CLOCK: variants seen among roughly 807,000 people sequenced by gnomAD.
The protein encoded by CLOCK is clock circadian regulator, also known as circadian locomoter output cycles protein kaput.
A neutral mutation model predicts 118.4 loss-of-function variants in CLOCK; 43 were observed. That is an observed-to-expected ratio of 0.36 (90% CI 0.28 to 0.47). CLOCK has a LOEUF of 0.47. Among genes scored for constraint, CLOCK ranks in the 20% least tolerant of loss-of-function variants. The pLI, the probability that CLOCK is intolerant of heterozygous loss-of-function variation, is 1.00. For synonymous variants in CLOCK, 326 were observed against 339.2 expected, an observed-to-expected ratio of 0.96 and a Z score of 0.43; for missense variants, 846 against 999.9, an observed-to-expected ratio of 0.85 and a Z score of 2.08.
intron 6 of CLOCK, 149 bp from the exon 7 acceptor site, chr4:55,476,203 T>C (rs755630216): frequency 1.6e-6 from 1 of 644,536 alleles, no homozygotes; most frequent in Non-Finnish European, 2.8e-6. Flanking sequence ...GGTCCAGGTT[T>C]TGGTATGATG....
At chr4:55,474,072 G>C (rs1726324542) in intron 7 of CLOCK, among the ~76,000 whole-genome samples, 1 of 152,200 alleles carries the variant, frequency 6.6e-6, no homozygotes, top group Non-Finnish European at 1.5e-5. Flanking sequence ...TAGTGAGGAA[G>C]GCATGTCGAA....
At position 55,482,796 on chromosome 4, in the gene CLOCK, G is replaced by A. The variant is rs367880709; in HGVS notation, c.-11C>T. The A allele has an allele frequency of 2.5e-6, 4 of 1,604,094 alleles. No homozygotes were observed. Among genetic ancestry groups the A allele is most frequent in the Admixed American group, 1.7e-5 (1 of 59,568 alleles). ...TACGGTAAACAACATAACATACTAC[G>A]TTTTCGTCTTGTAGTAGACATTTGT... is the stretch of plus-strand genomic sequence containing the variant. On this transcript the variant is annotated 5_prime_UTR_variant, in exon 4 of 23. In the 5' UTR this introduces an upstream ATG that the reference lacks. Transcript: ENST00000513440.
intron 4 of CLOCK, among the ~76,000 whole-genome samples, chr4:55,481,754 C>A (rs776348847): frequency 1.3e-5 from 2 of 152,306 alleles, no homozygotes; most frequent in South Asian, 2.1e-4. Context: ...GCATTAACAA[C>A]TTTAATGTCA....
rs1722790382 is a variant in CLOCK at position 55,435,276 on chromosome 4, A to G, written c.*139T>C. The G allele has an allele frequency of 3.0e-6, 3 of 1,016,766 alleles. No individual in the cohort carries two copies. The allele number at this position is 1,016,766 out of a possible 1,614,324, so 63.0% of individuals were successfully genotyped here. On this transcript the variant is annotated 3_prime_UTR_variant, in exon 23 of 23. Transcript: ENST00000513440. ...GCACTAGGCAGCATTTTCTCTGCCA[A>G]CTAATTCCAGGAACTAGAACACTCA...
rs1726722929 is a variant in CLOCK, at chr4:55,478,840, G to A, written c.231C>T (p.Ser77=). 3.7e-6 allele frequency: 6 copies of A among 1,612,742 alleles called. No homozygotes were observed. Among genetic ancestry groups the A allele is most frequent in the African/African-American group, 1.3e-5 (1 of 74,982 alleles). The change falls in exon 6 of 23, where the codon AGC becomes AGT. Residue 77 remains serine (S), a synonymous_variant. Transcript: ENST00000513440. ...KMDKSTVLQK[S]IDFLRKHKEI... ...CTTTATGTTTTCGTAAAAAATCAATGCTTTTCTGCAGAACAGTAGATTTGT... is the reference window on the plus strand; with the variant it reads ...CTTTATGTTTTCGTAAAAAATCAATACTTTTCTGCAGAACAGTAGATTTGT...
intron 1 of CLOCK, among the ~76,000 whole-genome samples, chr4:55,533,790 C>G (rs549207464): frequency 6.6e-6 from 1 of 152,270 alleles, no homozygotes; most frequent in African/African-American, 2.4e-5. Flanking sequence ...GTAATCCCAG[C>G]TACTCGGGAG....
At chr4:55,478,392 C>T (rs1359874851) in intron 6 of CLOCK, among the ~76,000 whole-genome samples, 1 of 152,124 alleles carries the variant, frequency 6.6e-6, no homozygotes. Context: ...TGAAGTCTCC[C>T]TGCCTCTCTG....
At chr4:55,533,953 C>T (rs6554285) in intron 1 of CLOCK, among the ~76,000 whole-genome samples, 114,654 of 152,116 alleles carry the variant, frequency 0.75, 43,535 homozygotes, top group East Asian at 0.9. Flanking sequence ...GGAGAGTGGA[C>T]ACTTGTTTAC....
chr4:55,438,286 A>G lies in CLOCK; in HGVS notation c.2357T>C (p.Leu786Ser). 1.2e-6 allele frequency: 2 copies of G among 1,614,146 alleles called. No individual in the cohort carries two copies. The highest frequency in any genetic ancestry group is 1.7e-6 in the Non-Finnish European group (2 of 1,180,008). Residue 786 changes from leucine to serine, a missense_variant, in exon 22 of 23, where the codon TTA becomes TCA. By Grantham distance (145) the Leu-to-Ser change is moderately radical. This residue lies in a region of CLOCK where 520 missense variants were observed against 558.0 expected (regional missense o/e 0.93). Transcript: ENST00000513440. ...CTTCCCCATGGGGAGAATTACCTGT[A>G]AAAATTGTTGCGGTGGCTGGGTCAG... ...AQLTQPPQQF[L>S]QTSRLLHGNP...
intron 1 of CLOCK, among the ~76,000 whole-genome samples, chr4:55,522,744 A>G (rs896263010): frequency 1.3e-5 from 2 of 152,154 alleles, no homozygotes; most frequent in African/African-American, 2.4e-5. Flanking sequence ...CCTCTCTCAT[A>G]TATATGTATG....
At chr4:55,439,669 T>C (rs1240937262) in intron 21 of CLOCK, among the ~76,000 whole-genome samples, 1 of 152,152 alleles carries the variant, frequency 6.6e-6, no homozygotes, top group African/African-American at 2.4e-5. Context: ...GAATATTACT[T>C]AGCCTTAAAA....
chr4:55,460,899 C>A (rs1285794377), intron 9 of CLOCK, among the ~76,000 whole-genome samples: 3 of 151,704 alleles, frequency 2.0e-5, no homozygotes, highest in African/African-American at 7.3e-5. Flanking sequence ...ATTGAGTTTA[C>A]ACACTTAACA....
At chr4:55,521,569 C>T (rs1416961677) in intron 1 of CLOCK, among the ~76,000 whole-genome samples, 1 of 152,188 alleles carries the variant, frequency 6.6e-6, no homozygotes, top group African/African-American at 2.4e-5. Flanking sequence ...ATGTGTGCTG[C>T]TACTCTCAAA....
At chr4:55,446,430 C>A (rs1560419338) in intron 18 of CLOCK, among the ~76,000 whole-genome samples, 1 of 152,114 alleles carries the variant, frequency 6.6e-6, no homozygotes, top group Non-Finnish European at 1.5e-5. Flanking sequence ...TAATTTGTAT[C>A]AATTTCTGTC....
Position 55,429,325 on chromosome 4 carries a change from T to C in CLOCK, c.*6090A>G, listed in dbSNP as rs1351816648. 1 of 152,234 alleles carries C rather than the reference T, an allele frequency of 6.6e-6. No homozygotes were observed. The highest frequency in any genetic ancestry group is 1.5e-5 in the Non-Finnish European group (1 of 68,044). The allele number at this position is 152,234 out of a possible 1,614,324, so 9.4% of individuals were successfully genotyped here. A position where few individuals can be genotyped will look rare whatever the true frequency, so the allele number is the denominator to read the frequency against. On this transcript the variant is annotated 3_prime_UTR_variant, in exon 23 of 23. Transcript: ENST00000513440. ...GCTTTAACTACCGTTCTCTAAGTTGTGTGCTATACCTAGCCTGTGGGACTC... is the reference window on the plus strand; with the variant it reads ...GCTTTAACTACCGTTCTCTAAGTTGCGTGCTATACCTAGCCTGTGGGACTC...
intron 13 of CLOCK, among the ~76,000 whole-genome samples, chr4:55,454,613 C>CAAAAAA (rs10566273): frequency 1.4e-5 from 1 of 69,488 alleles, no homozygotes; most frequent in African/African-American, 6.1e-5. Flanking sequence ...GACTCCATCC[C>CAAAAAA]AAAAAAAAAA....
chr4:55,440,763 C>T (rs887713611), intron 21 of CLOCK, among the ~76,000 whole-genome samples: 1 of 152,158 alleles, frequency 6.6e-6, no homozygotes, highest in Non-Finnish European at 1.5e-5. Flanking sequence ...TTTCTTTAAT[C>T]TGCTTTCGTG....
intron 2 of CLOCK, among the ~76,000 whole-genome samples, chr4:55,497,935 T>C (rs1317686954): frequency 6.6e-6 from 1 of 151,530 alleles, no homozygotes; most frequent in South Asian, 2.1e-4. Flanking sequence ...GGCAAATGTA[T>C]ATAGATTTCT....
In CLOCK at chr4:55,459,161, T is replaced by C; in HGVS notation, c.660A>G (p.Lys220=). 1 of 1,591,064 alleles carries C rather than the reference T, an allele frequency of 6.3e-7. No homozygotes were observed. The highest frequency in any genetic ancestry group is 8.6e-7 in the Non-Finnish European group (1 of 1,159,084). The change falls in exon 10 of 23, where the codon AAA becomes AAG. Residue 220 remains lysine (K), a synonymous_variant. Transcript: ENST00000513440. ...YEYVKFIGNF[K]SLNSVSSSAH... The stretch of plus-strand genomic sequence containing the variant: ...ATTTTAACTCACCACTGTTTAAAGA[T>C]TTGAAATTTCCTATAAATTTTACAT...
Sources: allele counts gnomAD v4.1 joint callset (sites outside exome capture counted in the v4.1 genomes callset), GRCh38; gene constraint gnomAD v4.1.1; regional missense constraint gnomAD v4.1.1; transcripts MANE v1.5; gene names NCBI Gene and HGNC (gene_info 2026-07-23, HGNC 2026-07-21).